The following LTBP2 variants were observed in gnomAD, a reference collection of about 807,000 sequenced individuals.
The protein encoded by LTBP2 is latent transforming growth factor beta binding protein 2, also known as latent-transforming growth factor beta-binding protein 2.
A neutral mutation model predicts 210.6 loss-of-function variants in LTBP2; 103 were observed. The ratio of observed to expected loss-of-function variants is 0.49; its 90% confidence interval spans 0.42 to 0.58. The LOEUF is 0.58. Among genes scored for constraint, LTBP2 ranks in the 20% least tolerant of loss-of-function variants. The probability of loss-of-function intolerance (pLI) is 0.00; values close to 1 mark genes in which losing one functional copy is unlikely to be tolerated. For synonymous variants in LTBP2, 1,007 were observed against 1,015.0 expected, an observed-to-expected ratio of 0.99 and a Z score of 0.15; for missense variants, 2,313 against 2,494.5, an observed-to-expected ratio of 0.93 and a Z score of 1.55.
chr14:74,504,206 G>A, intron 30 of LTBP2, 152 bp from the exon 31 acceptor site: 1 of 872,704 alleles, frequency 1.1e-6, no homozygotes, highest in South Asian at 1.4e-5. Flanking sequence ...CTTGCCTCCG[G>A]TTCCTACATA....
chr14:74,572,284 G>T (rs534885190), intron 3 of LTBP2, among the ~76,000 whole-genome samples: 108 of 120,112 alleles, frequency 9.0e-4, no homozygotes, highest in African/African-American at 2.6e-3. Context: ...GCAGAGGTGG[G>T]GTGTGTGTGT....
rs761734962 is a variant in LTBP2 at position 74,508,606 on chromosome 14, T to G, written c.3650A>C (p.Gln1217Pro). ...FVSAEGGTSC[Q>P]DVDECATTDP... ...AGGTAGCTGTGCTGGCTTCTCACCC[T>G]GGCAGCTGGTGCCCCCCTCTGCGCT... is the stretch of plus-strand genomic sequence containing the variant. The change falls in exon 24 of 36, where the codon CAG (glutamine) becomes CCG (proline). Residue 1217 changes from glutamine (Q) to proline (P), a missense_variant and splice_region_variant. By Grantham distance (76) the Gln-to-Pro change is moderately conservative. Around this residue, in one of 3 missense-constraint regions of LTBP2, gnomAD observed 1,867 missense variants for 1,976.9 expected, o/e 0.94. Transcript: ENST00000261978. 6.2e-7 allele frequency: 1 copy of G among 1,606,572 alleles called. No homozygotes were observed. Among genetic ancestry groups the G allele is most frequent in the Admixed American group, 1.7e-5 (1 of 59,954 alleles).
intron 3 of LTBP2, among the ~76,000 whole-genome samples, chr14:74,577,693 G>A (rs1158194703): frequency 6.6e-6 from 1 of 151,854 alleles, no homozygotes; most frequent in Non-Finnish European, 1.5e-5. Context: ...ATCTTTAGTA[G>A]AAATGGGGTT....
At chr14:74,566,110 G>A (rs1394065939) in intron 3 of LTBP2, among the ~76,000 whole-genome samples, 1 of 151,514 alleles carries the variant, frequency 6.6e-6, no homozygotes, top group African/African-American at 2.4e-5. Context: ...ATAGACAATC[G>A]TCATAGTTTC....
intron 3 of LTBP2, among the ~76,000 whole-genome samples, chr14:74,567,416 C>A (rs550595191): frequency 6.6e-6 from 1 of 152,182 alleles, no homozygotes; most frequent in Admixed American, 6.5e-5. Context: ...AGAGCCAGAG[C>A]GAGCTGCCTG....
Position 74,504,779 on chromosome 14 carries a change from T to C in LTBP2, c.4452A>G (p.Thr1484=). 1 of 1,614,092 alleles carries C rather than the reference T, an allele frequency of 6.2e-7. No homozygotes were observed. Among genetic ancestry groups the C allele is most frequent in the Non-Finnish European group, 8.5e-7 (1 of 1,179,920 alleles). ...GAWTFGQTMY[T]DADECVIFGP... Reference sequence around the variant, plus strand: ...GGGGCAGAGGATGGAGCAGATTACCTGTGTACATGGTCTGTCCAAACGTCC... The same window carrying C: ...GGGGCAGAGGATGGAGCAGATTACCCGTGTACATGGTCTGTCCAAACGTCC... Residue 1484 remains threonine (T), a splice_region_variant and synonymous_variant, in exon 30 of 36, where the codon ACA becomes ACG. Transcript: ENST00000261978.
chr14:74,598,444 A>C (rs890108506), intron 2 of LTBP2, among the ~76,000 whole-genome samples: 2 of 152,234 alleles, frequency 1.3e-5, no homozygotes, highest in Non-Finnish European at 2.9e-5. Flanking sequence ...GGGCTCTCTC[A>C]GGCACACGGC....
intron 10 of LTBP2, 52 bp from the exon 11 acceptor site, chr14:74,529,174 T>C (rs780062634): frequency 6.5e-7 from 1 of 1,547,934 alleles, no homozygotes; most frequent in Non-Finnish European, 8.7e-7. Context: ...GGGAGGGGAA[T>C]GCGCAGCTGG....
chr14:74,601,662 C>T (rs970629516), intron 2 of LTBP2, among the ~76,000 whole-genome samples: 14 of 152,226 alleles, frequency 9.2e-5, no homozygotes, highest in Admixed American at 6.5e-4. Flanking sequence ...GAGGCAGAAG[C>T]CAAGAGCTTG....
chr14:74,512,180 T>C (rs1320314267), intron 18 of LTBP2, among the ~76,000 whole-genome samples: 1 of 152,176 alleles, frequency 6.6e-6, no homozygotes, highest in East Asian at 1.9e-4. Flanking sequence ...CCAGGGGACC[T>C]GGACTGAGTG....
intron 8 of LTBP2, among the ~76,000 whole-genome samples, chr14:74,549,100 G>C (rs1337270614): frequency 6.6e-6 from 1 of 152,222 alleles, no homozygotes; most frequent in East Asian, 1.9e-4. Flanking sequence ...ACAGGCAAAG[G>C]AAATACACAC....
intron 14 of LTBP2, 23 bp from the exon 15 acceptor site, chr14:74,525,248 G>A (rs755803858): frequency 7.8e-7 from 1 of 1,286,364 alleles, no homozygotes; most frequent in South Asian, 3.1e-5. Context: ...GAGGGGAAGA[G>A]GTGGGGTTGT....
At chr14:74,546,699 G>A (rs934976527) in intron 8 of LTBP2, among the ~76,000 whole-genome samples, 2 of 152,158 alleles carry the variant, frequency 1.3e-5, no homozygotes, top group African/African-American at 2.4e-5. Context: ...TGTTCTGCAC[G>A]CACCTGATCC....
At chr14:74,501,861 C>T (rs1410847194) in intron 34 of LTBP2, 12 of 527,294 alleles carry the variant, frequency 2.3e-5, no homozygotes, top group East Asian at 3.3e-5. Context: ...CCACAATGCC[C>T]GGCTCCTGCT....
rs761748955 is a variant in LTBP2 at position 74,504,736 on chromosome 14, A to G, written c.4453+42T>C. 8 of 1,583,512 alleles carry G rather than the reference A, an allele frequency of 5.1e-6. No homozygotes were observed. In the East Asian group the frequency reaches 1.6e-4, roughly 31 times the overall value. On this transcript the variant is annotated intron_variant, in intron 30 of 35. Transcript: ENST00000261978. Reference sequence around the variant, plus strand: ...CCTGTGGAGGAGCAGGCTAGGGCCCACTCAGGTGAAGGAGTTTGGGGCAGA... The same window carrying G: ...CCTGTGGAGGAGCAGGCTAGGGCCCGCTCAGGTGAAGGAGTTTGGGGCAGA...
chr14:74,587,657 G>A (rs1419930576), intron 2 of LTBP2, among the ~76,000 whole-genome samples: 1 of 152,026 alleles, frequency 6.6e-6, no homozygotes, highest in East Asian at 1.9e-4. Context: ...GTGAGGAAGA[G>A]GAGGCAGATA....
At chr14:74,545,569 G>A (rs2087566375) in intron 8 of LTBP2, among the ~76,000 whole-genome samples, 1 of 152,230 alleles carries the variant, frequency 6.6e-6, no homozygotes, top group Non-Finnish European at 1.5e-5. Flanking sequence ...CCTGAGCCAT[G>A]TGCCAGCCCC....
At chr14:74,566,377 C>A (rs1362453418) in intron 3 of LTBP2, among the ~76,000 whole-genome samples, 35 of 152,208 alleles carry the variant, frequency 2.3e-4, no homozygotes, top group Non-Finnish European at 1.6e-4. Context: ...GAGAGGAAGG[C>A]GTTCCCAGAA....
intron 25 of LTBP2, among the ~76,000 whole-genome samples, chr14:74,507,614 G>A (rs958481563): frequency 2.0e-5 from 3 of 152,150 alleles, no homozygotes; most frequent in Non-Finnish European, 2.9e-5. Flanking sequence ...CTCTTTACAC[G>A]AAGCCTTCAG....
Sources: gnomAD v4.1 joint callset for allele counts (sites outside exome capture counted in the v4.1 genomes callset) on GRCh38, gnomAD v4.1.1 for gene constraint, gnomAD v4.1.1 regional missense constraint, MANE v1.5 for transcripts, NCBI Gene and HGNC (gene_info 2026-07-23, HGNC 2026-07-21) for gene names.